SH3RF3: variants seen among roughly 807,000 people sequenced by gnomAD.
SH3RF3 encodes E3 ubiquitin-protein ligase SH3RF3.
SH3RF3 carries 29 observed loss-of-function variants against 66.3 expected under a neutral mutation model. That is an observed-to-expected ratio of 0.44 (90% CI 0.33 to 0.60). SH3RF3 has a LOEUF of 0.60. Among genes scored for constraint, SH3RF3 ranks in the 20% least tolerant of loss-of-function variants. SH3RF3 has a pLI of 0.04. For missense variants in SH3RF3, 1,194 were observed against 1,190.9 expected, an observed-to-expected ratio of 1.00 and a Z score of -0.04; for synonymous variants, 583 against 532.0, an observed-to-expected ratio of 1.10 and a Z score of -1.32.
At chr2:109,304,356 CT>C (rs1296562207) in intron 1 of SH3RF3, among the ~76,000 whole-genome samples, 1 of 152,182 alleles carries the variant, frequency 6.6e-6, no homozygotes, top group Non-Finnish European at 1.5e-5. Context: ...TTTCCTGTGA[CT>C]GGCTTATTTC....
chr2:109,408,193 A>T (rs933967314), intron 4 of SH3RF3, among the ~76,000 whole-genome samples: 1 of 152,144 alleles, frequency 6.6e-6, no homozygotes, highest in Non-Finnish European at 1.5e-5. Flanking sequence ...GGTAGGCCCC[A>T]TGGGACCCAC....
intron 1 of SH3RF3, among the ~76,000 whole-genome samples, chr2:109,252,227 G>A (rs928956061): frequency 1.4e-5 from 2 of 147,402 alleles, no homozygotes; most frequent in African/African-American, 5.1e-5. Context: ...CAGCCCAGGT[G>A]ACACAGTGAG....
chr2:109,238,746 C>G (rs528620360), intron 1 of SH3RF3, among the ~76,000 whole-genome samples: 1 of 152,276 alleles, frequency 6.6e-6, no homozygotes, highest in South Asian at 2.1e-4. Context: ...CAGGCAGCTG[C>G]TACATGCTTG....
chr2:109,221,229 T>C (rs570996833), intron 1 of SH3RF3, among the ~76,000 whole-genome samples: 14 of 152,324 alleles, frequency 9.2e-5, no homozygotes, highest in South Asian at 4.1e-4. Flanking sequence ...TCTTAATTTT[T>C]TTCTTTTCAA....
chr2:109,497,579 G>C (rs1488924809), intron 9 of SH3RF3, among the ~76,000 whole-genome samples: 3 of 152,218 alleles, frequency 2.0e-5, no homozygotes, highest in Non-Finnish European at 2.9e-5. Flanking sequence ...TGTGACCTGG[G>C]AGTAGCTGTC....
At chr2:109,459,526 G>T (rs866821070) in intron 8 of SH3RF3, among the ~76,000 whole-genome samples, 1 of 152,126 alleles carries the variant, frequency 6.6e-6, no homozygotes, top group Non-Finnish European at 1.5e-5. Flanking sequence ...GTGATTGAGA[G>T]CGTGCTAGGA....
chr2:109,499,294 C>T (rs1476229551), intron 9 of SH3RF3, among the ~76,000 whole-genome samples: 2 of 152,122 alleles, frequency 1.3e-5, no homozygotes, highest in African/African-American at 4.8e-5. Context: ...CCTGCCAGGC[C>T]CATCTCGGTG....
chr2:109,316,180 T>A (rs1681875910), intron 1 of SH3RF3, among the ~76,000 whole-genome samples: 1 of 152,212 alleles, frequency 6.6e-6, no homozygotes, highest in East Asian at 1.9e-4. Context: ...GCTGAACTTT[T>A]GGGCCTGGGG....
At chr2:109,290,474 G>A (rs1052345005) in intron 1 of SH3RF3, among the ~76,000 whole-genome samples, 1 of 152,212 alleles carries the variant, frequency 6.6e-6, no homozygotes, top group Non-Finnish European at 1.5e-5. Flanking sequence ...CCTCATGTTC[G>A]TATTCTATAG....
At chr2:109,411,197 C>A (rs1430740277) in intron 4 of SH3RF3, among the ~76,000 whole-genome samples, 1 of 152,150 alleles carries the variant, frequency 6.6e-6, no homozygotes, top group Non-Finnish European at 1.5e-5. Flanking sequence ...AGGGGAGAGG[C>A]GCCATTGGTT....
At chr2:109,499,477 C>T (rs987624360) in intron 9 of SH3RF3, among the ~76,000 whole-genome samples, 4 of 152,326 alleles carry the variant, frequency 2.6e-5, no homozygotes, top group Admixed American at 1.3e-4. Flanking sequence ...ACTGCACAAT[C>T]CTCACCCACA....
intron 1 of SH3RF3, among the ~76,000 whole-genome samples, chr2:109,191,893 T>C (rs1013572856): frequency 2.6e-5 from 4 of 152,164 alleles, no homozygotes. Context: ...TTTACTATTA[T>C]TATTTTCAAC....
At chr2:109,437,760 G>A (rs992590338) in intron 7 of SH3RF3, among the ~76,000 whole-genome samples, 3 of 152,038 alleles carry the variant, frequency 2.0e-5, no homozygotes, top group Admixed American at 2.0e-4. Flanking sequence ...GTTGTGAGAT[G>A]AAAAGAAATT....
intron 1 of SH3RF3, among the ~76,000 whole-genome samples, chr2:109,201,191 G>A (rs1028236855): frequency 1.3e-5 from 2 of 152,220 alleles, no homozygotes; most frequent in African/African-American, 4.8e-5. Context: ...CAAGATGCAC[G>A]GTCCTGAAAT....
intron 1 of SH3RF3, among the ~76,000 whole-genome samples, chr2:109,232,350 T>G (rs1428893731): frequency 6.6e-6 from 1 of 152,192 alleles, no homozygotes; most frequent in African/African-American, 2.4e-5. Context: ...TAGAGAGTAG[T>G]TGCTAAAAGT....
chr2:109,161,966 A>G (rs542009896), intron 1 of SH3RF3, among the ~76,000 whole-genome samples: 1 of 152,146 alleles, frequency 6.6e-6, no homozygotes, highest in African/African-American at 2.4e-5. Flanking sequence ...TGTATCTTAT[A>G]TGTCGCAGGT....
intron 8 of SH3RF3, among the ~76,000 whole-genome samples, chr2:109,451,861 G>A (rs527462909): frequency 1.3e-5 from 2 of 152,348 alleles, no homozygotes; most frequent in African/African-American, 4.8e-5. Flanking sequence ...CGTAGGCCAC[G>A]CTTGGGGCTG....
At chr2:109,377,094 G>C (rs1038387406) in intron 3 of SH3RF3, among the ~76,000 whole-genome samples, 4 of 152,198 alleles carry the variant, frequency 2.6e-5, no homozygotes, top group South Asian at 4.1e-4. Context: ...CCTTTCCCTG[G>C]GGGGAGGTCT....
At chr2:109,422,596 C>T (rs991777927) in intron 5 of SH3RF3, among the ~76,000 whole-genome samples, 7 of 110,318 alleles carry the variant, frequency 6.3e-5, no homozygotes, top group Admixed American at 3.4e-4. Context: ...ACCCCCTTTC[C>T]ACCCCCTGCT....
Sources: gnomAD v4.1 joint callset for allele counts (sites outside exome capture counted in the v4.1 genomes callset) on GRCh38, gnomAD v4.1.1 for gene constraint, MANE v1.5 for transcripts, NCBI Gene and HGNC (gene_info 2026-07-23, HGNC 2026-07-21) for gene names.